The following ADAM23 variants were observed in gnomAD, a reference collection of about 807,000 sequenced individuals.
The protein encoded by ADAM23 is disintegrin and metalloproteinase domain-containing protein 23.
ADAM23 carries 33 observed loss-of-function variants against 120.1 expected under a neutral mutation model. That is an observed-to-expected ratio of 0.27 (90% CI 0.21 to 0.37). The LOEUF is 0.37. Ranked by LOEUF, ADAM23 falls within the 10% of genes least tolerant of loss-of-function variation. The pLI, the probability that ADAM23 is intolerant of heterozygous loss-of-function variation, is 1.00. For synonymous variants in ADAM23, 367 were observed against 375.2 expected, an observed-to-expected ratio of 0.98 and a Z score of 0.25; for missense variants, 862 against 1,058.2, an observed-to-expected ratio of 0.81 and a Z score of 2.57.
chr2:206,610,313 C>T (rs1698802932), intron 25 of ADAM23, among the ~76,000 whole-genome samples: 1 of 152,088 alleles, frequency 6.6e-6, no homozygotes, highest in South Asian at 2.1e-4. Context: ...CACAGGAAAT[C>T]GAGGAAACCA....
In ADAM23 at chr2:206,445,380, T is replaced by C; in HGVS notation, c.288T>C (p.Asn96=). The change falls in exon 2 of 26, where the codon AAT becomes AAC. Residue 96 remains asparagine, a synonymous_variant. Coordinates refer to ENST00000264377, the MANE Select transcript of ADAM23 (RefSeq NM_003812.4). ...ATGAAGACAATACATTGCAACAGAA[T>C]AGCAGCAGTAATATCAGTTACAGCA... is the stretch of plus-strand genomic sequence containing the variant. ...LADEDNTLQQ[N]SSSNISYSNA... 6.2e-7 allele frequency: 1 copy of C among 1,613,906 alleles called. No homozygotes were observed. The highest frequency in any genetic ancestry group is 1.6e-4 in the Middle Eastern group (1 of 6,062).
At chr2:206,543,709 C>A (rs1697339391) in intron 6 of ADAM23, among the ~76,000 whole-genome samples, 1 of 151,968 alleles carries the variant, frequency 6.6e-6, no homozygotes, top group African/African-American at 2.4e-5. Flanking sequence ...TGGAACCAGC[C>A]TAAATGTCCA....
At chr2:206,555,927 G>T (rs964471352) in intron 9 of ADAM23, among the ~76,000 whole-genome samples, 13 of 152,130 alleles carry the variant, frequency 8.5e-5, no homozygotes, top group African/African-American at 3.1e-4. Context: ...TTTTCAGCTT[G>T]TGGAATTTGC....
At chr2:206,554,492 T>C (rs889058624) in intron 9 of ADAM23, among the ~76,000 whole-genome samples, 1 of 152,246 alleles carries the variant, frequency 6.6e-6, no homozygotes, top group Non-Finnish European at 1.5e-5. Flanking sequence ...AATGTAAATA[T>C]GTGAGGATAA....
intron 21 of ADAM23, among the ~76,000 whole-genome samples, chr2:206,589,855 G>A (rs961853397): frequency 4.6e-5 from 7 of 152,116 alleles, no homozygotes; most frequent in African/African-American, 1.4e-4. Context: ...TGGCCTATGA[G>A]TGTAGTAGTA....
At chr2:206,481,422 A>G (rs1695893997) in intron 3 of ADAM23, 114 bp downstream of exon 3, 2 of 670,428 alleles carry the variant, frequency 3.0e-6, no homozygotes, top group Non-Finnish European at 4.7e-6. Flanking sequence ...CTAGCAGATT[A>G]TTATAGAGCA....
chr2:206,609,907 C>T lies in ADAM23; in HGVS notation c.2360-3C>T. 6.3e-7 allele frequency: 1 copy of T among 1,597,754 alleles called. No individual in the cohort carries two copies. Among genetic ancestry groups the T allele is most frequent in the Non-Finnish European group, 8.5e-7 (1 of 1,174,178 alleles). ...ACTCTCTTCCCATGATCCTTTGTCA[C>T]AGGTCCTAGTGCCACCAATCTCATA... On this transcript the variant is annotated splice_polypyrimidine_tract_variant and splice_region_variant and intron_variant, in intron 24 of 25. Transcript: ENST00000264377.
Position 206,560,030 on chromosome 2 carries a change from A to C in ADAM23, c.1081A>C (p.Ile361Leu), listed in dbSNP as rs150562881. 2.5e-6 allele frequency: 4 copies of C among 1,614,148 alleles called. No individual in the cohort carries two copies. Among genetic ancestry groups the C allele is most frequent in the Non-Finnish European group, 3.4e-6 (4 of 1,180,026 alleles). ...CTGGACTGAGAAGGATCAGATTGACATCACCACCAACCCTGTGCAGATGCT... is the reference window on the plus strand; with the variant it reads ...CTGGACTGAGAAGGATCAGATTGACCTCACCACCAACCCTGTGCAGATGCT... ...ETWTEKDQID[I>L]TTNPVQMLHE... Residue 361 changes from isoleucine (I) to leucine (L), a missense_variant, in exon 11 of 26, where the codon ATC becomes CTC. This residue lies in a region of ADAM23 where 617 missense variants were observed against 813.5 expected (regional missense o/e 0.76). Transcript: ENST00000264377.
At chr2:206,486,510 G>C (rs1364669110) in intron 3 of ADAM23, among the ~76,000 whole-genome samples, 15 of 152,074 alleles carry the variant, frequency 9.9e-5, no homozygotes, top group Admixed American at 9.8e-4. Flanking sequence ...TGTGTGATCA[G>C]AATTATGCCA....
intron 3 of ADAM23, among the ~76,000 whole-genome samples, chr2:206,490,550 G>C (rs1214509983): frequency 6.6e-6 from 1 of 152,204 alleles, no homozygotes; most frequent in African/African-American, 2.4e-5. Context: ...AGAATCTTAA[G>C]AGGCAGGTAT....
chr2:206,514,080 A>G (rs1472506547), intron 3 of ADAM23, among the ~76,000 whole-genome samples: 2 of 152,206 alleles, frequency 1.3e-5, no homozygotes, highest in Admixed American at 1.3e-4. Flanking sequence ...TGTTGTTTTT[A>G]TGCCTGATAA....
In ADAM23 at chr2:206,597,458, G is replaced by A. The variant is rs565344214; in HGVS notation, c.2359+1296G>A. ...TGGGATTACAGGTGTGAGCTACCGC[G>A]CCTGGCCTCTTACATCATCTTATAA... On this transcript the variant is annotated intron_variant, in intron 24 of 25. Coordinates refer to ENST00000264377, the MANE Select transcript of ADAM23 (RefSeq NM_003812.4). Among the ~76,000 whole-genome samples the A allele has an allele frequency of 5.1e-4, 77 of 152,134 alleles. 1 individual carries two copies. The highest frequency in any genetic ancestry group is 4.7e-4 in the Non-Finnish European group (32 of 67,982).
At chr2:206,491,394 T>C (rs565048545) in intron 3 of ADAM23, among the ~76,000 whole-genome samples, 7 of 152,322 alleles carry the variant, frequency 4.6e-5, no homozygotes, top group Non-Finnish European at 7.3e-5. Flanking sequence ...AGAATTTAAT[T>C]GTTGATGGGA....
intron 3 of ADAM23, among the ~76,000 whole-genome samples, chr2:206,529,526 G>A (rs1697008733): frequency 6.6e-6 from 1 of 152,062 alleles, no homozygotes; most frequent in African/African-American, 2.4e-5. Context: ...AGGCTCCCTA[G>A]TAGTTGGGAC....
At chr2:206,562,354 C>T (rs1244474714) in intron 13 of ADAM23, 61 bp downstream of exon 13, 7 of 1,167,044 alleles carry the variant, frequency 6.0e-6, no homozygotes, top group Non-Finnish European at 8.8e-6. Context: ...AATGCATGTC[C>T]AGTCAATAAA....
At chr2:206,464,888 G>A (rs1259946399) in intron 2 of ADAM23, among the ~76,000 whole-genome samples, 1 of 152,034 alleles carries the variant, frequency 6.6e-6, no homozygotes, top group Non-Finnish European at 1.5e-5. Context: ...CAATAGTGCT[G>A]AGGTAGAGAA....
chr2:206,529,558 C>T (rs1383480058), intron 3 of ADAM23, among the ~76,000 whole-genome samples: 2 of 151,918 alleles, frequency 1.3e-5, no homozygotes, highest in Non-Finnish European at 2.9e-5. Context: ...GCCACCACAC[C>T]TGGCTAATGT....
At chr2:206,491,941 G>C (rs1696143139) in intron 3 of ADAM23, among the ~76,000 whole-genome samples, 1 of 152,168 alleles carries the variant, frequency 6.6e-6, no homozygotes, top group African/African-American at 2.4e-5. Context: ...CTGAGTTGAT[G>C]GATAGATTTC....
At chr2:206,444,804 TAA>T (rs1054750562) in intron 1 of ADAM23, among the ~76,000 whole-genome samples, 21 of 152,214 alleles carry the variant, frequency 1.4e-4, no homozygotes, top group African/African-American at 4.8e-4. Context: ...TCCATTTTGT[TAA>T]AAGAGTCGAT....
Sources: allele counts gnomAD v4.1 joint callset (sites outside exome capture counted in the v4.1 genomes callset), GRCh38; gene constraint gnomAD v4.1.1; regional missense constraint gnomAD v4.1.1; transcripts MANE v1.5; gene names NCBI Gene and HGNC (gene_info 2026-07-23, HGNC 2026-07-21).